The following RPS6KC1 variants were observed in gnomAD, a reference collection of about 807,000 sequenced individuals.
The protein encoded by RPS6KC1 is inactive ribosomal protein S6 kinase delta-1.
In RPS6KC1, 54 loss-of-function variants were observed where a neutral mutation model predicts 103.8. That is an observed-to-expected ratio of 0.52 (90% CI 0.42 to 0.65). RPS6KC1 has a LOEUF of 0.65. Among genes scored for constraint, RPS6KC1 ranks in the 30% least tolerant of loss-of-function variants. The probability of loss-of-function intolerance (pLI) is 0.00; values close to 1 mark genes in which losing one functional copy is unlikely to be tolerated. For missense variants in RPS6KC1, 1,151 were observed against 1,253.8 expected (o/e 0.92, Z 1.24); for synonymous variants, 439 against 438.7 (o/e 1.00, Z -0.01).
the RPS6KC1 span, among the ~76,000 whole-genome samples, chr1:213,738,212 T>C: frequency 6.6e-6 from 1 of 152,186 alleles, no homozygotes; most frequent in Non-Finnish European, 1.5e-5. Flanking sequence ...CAGGGTGCGT[T>C]GCTGGGTCAT....
the RPS6KC1 span, among the ~76,000 whole-genome samples, chr1:213,769,608 A>G: frequency 1.8e-4 from 28 of 152,204 alleles, no homozygotes; most frequent in Middle Eastern, 0.014. Flanking sequence ...CAAATGCACA[A>G]GTCTATCCAG....
chr1:213,256,237 T>A (rs1306010475), intron 12 of RPS6KC1, among the ~76,000 whole-genome samples: 1 of 151,928 alleles, frequency 6.6e-6, no homozygotes, highest in Non-Finnish European at 1.5e-5. Context: ...AGAAAGAAAG[T>A]CAATGGGGAA....
At chr1:213,421,418 A>G in the RPS6KC1 span, among the ~76,000 whole-genome samples, 1 of 152,122 alleles carries the variant, frequency 6.6e-6, no homozygotes, top group African/African-American at 2.4e-5. Context: ...CGGCCCTCCA[A>G]TGTATCTTTT....
chr1:213,215,222 A>G (rs899748427), intron 8 of RPS6KC1, among the ~76,000 whole-genome samples: 4 of 152,226 alleles, frequency 2.6e-5, no homozygotes, highest in Admixed American at 2.6e-4. Flanking sequence ...CGAGAACTTC[A>G]TGACGAATGC....
intron 13 of RPS6KC1, 114 bp from the exon 14 acceptor site, chr1:213,262,607 C>T: frequency 1.4e-6 from 1 of 738,972 alleles, no homozygotes; most frequent in Non-Finnish European, 2.4e-6. Context: ...TTGATTACTA[C>T]ACTTCCAGTT....
intron 14 of RPS6KC1, among the ~76,000 whole-genome samples, chr1:213,263,777 C>T (rs947815659): frequency 6.6e-6 from 1 of 152,020 alleles, no homozygotes; most frequent in African/African-American, 2.4e-5. Flanking sequence ...AATAACCATA[C>T]CACATGGAAA....
At chr1:213,408,880 A>G in the RPS6KC1 span, among the ~76,000 whole-genome samples, 3 of 152,224 alleles carry the variant, frequency 2.0e-5, no homozygotes, top group Admixed American at 6.5e-5. Context: ...GAGGAAAAAC[A>G]TGGCTTTCCC....
chr1:213,121,198 G>A (rs1379268001), intron 5 of RPS6KC1, among the ~76,000 whole-genome samples: 4 of 152,180 alleles, frequency 2.6e-5, no homozygotes, highest in African/African-American at 7.2e-5. Context: ...GCCTCCCAAA[G>A]TGCTCGCATT....
At chr1:213,096,558 G>A (rs573216265) in intron 3 of RPS6KC1, among the ~76,000 whole-genome samples, 59 of 152,066 alleles carry the variant, frequency 3.9e-4, no homozygotes, top group African/African-American at 1.3e-3. Context: ...CCAGCTACTC[G>A]GGAGGCTGAG....
At chr1:213,248,231 C>T (rs1015563898) in intron 12 of RPS6KC1, among the ~76,000 whole-genome samples, 1 of 151,944 alleles carries the variant, frequency 6.6e-6, no homozygotes, top group African/African-American at 2.4e-5. Context: ...AAGGTGGCAG[C>T]AAGAGGGAAC....
chr1:213,346,313 A>C, the RPS6KC1 span, among the ~76,000 whole-genome samples: 3 of 152,196 alleles, frequency 2.0e-5, no homozygotes, highest in Non-Finnish European at 4.4e-5. Context: ...GGCACAGAAG[A>C]CTTAAAATTG....
the RPS6KC1 span, among the ~76,000 whole-genome samples, chr1:213,513,827 C>T: frequency 6.6e-6 from 1 of 152,162 alleles, no homozygotes; most frequent in Non-Finnish European, 1.5e-5. Flanking sequence ...CAAAGTAATA[C>T]TGATATGCAG....
chr1:213,690,751 A>G, the RPS6KC1 span, among the ~76,000 whole-genome samples: 2 of 152,222 alleles, frequency 1.3e-5, no homozygotes, highest in African/African-American at 4.8e-5. Flanking sequence ...TGGGGATAAG[A>G]ATACAGTATC....
chr1:213,681,565 G>C, the RPS6KC1 span, among the ~76,000 whole-genome samples: 1 of 152,142 alleles, frequency 6.6e-6, no homozygotes, highest in Non-Finnish European at 1.5e-5. Flanking sequence ...TGGAGGCCGA[G>C]GCAGGAGGAT....
chr1:213,704,820 C>T, the RPS6KC1 span, among the ~76,000 whole-genome samples: 2 of 152,238 alleles, frequency 1.3e-5, no homozygotes, highest in Admixed American at 1.3e-4. Context: ...TATTTTGTAT[C>T]TGCTTTAGGG....
the RPS6KC1 span, among the ~76,000 whole-genome samples, chr1:213,297,749 T>C: frequency 6.6e-6 from 1 of 152,132 alleles, no homozygotes; most frequent in African/African-American, 2.4e-5. Flanking sequence ...TAGCTAGGAC[T>C]ACAGGCATGT....
the RPS6KC1 span, among the ~76,000 whole-genome samples, chr1:213,411,349 C>T: frequency 6.6e-6 from 1 of 152,188 alleles, no homozygotes; most frequent in Admixed American, 6.5e-5. Context: ...TGAGTTGCTG[C>T]AAGCCCTTGG....
intron 12 of RPS6KC1, among the ~76,000 whole-genome samples, chr1:213,252,581 G>A (rs1456779019): frequency 6.6e-6 from 1 of 151,980 alleles, no homozygotes; most frequent in Non-Finnish European, 1.5e-5. Context: ...TTCTTATGTT[G>A]TCTTATTTAC....
intron 1 of RPS6KC1, among the ~76,000 whole-genome samples, chr1:213,069,907 A>G (rs147207989): frequency 6.6e-6 from 1 of 152,258 alleles, no homozygotes; most frequent in East Asian, 1.9e-4. Flanking sequence ...TTAAACACCT[A>G]GCCTTTTCAA....
Sources: allele counts gnomAD v4.1 joint callset (sites outside exome capture counted in the v4.1 genomes callset), GRCh38; gene constraint gnomAD v4.1.1; transcripts MANE v1.5; gene names NCBI Gene and HGNC (gene_info 2026-07-23, HGNC 2026-07-21).